DENND1A: variants seen among roughly 807,000 people sequenced by gnomAD.
DENND1A encodes DENN domain-containing protein 1A.
A neutral mutation model predicts 113.7 loss-of-function variants in DENND1A; 51 were observed. That is an observed-to-expected ratio of 0.45 (90% CI 0.36 to 0.57). The LOEUF (loss-of-function observed/expected upper bound fraction) is 0.57, where lower values mean the gene tolerates loss of function less well. Among genes scored for constraint, DENND1A ranks in the 20% least tolerant of loss-of-function variants. The pLI is 0.00. For synonymous variants in DENND1A, 565 were observed against 570.8 expected, an observed-to-expected ratio of 0.99 and a Z score of 0.14; for missense variants, 1,258 against 1,395.9, an observed-to-expected ratio of 0.90 and a Z score of 1.57.
intron 12 of DENND1A, among the ~76,000 whole-genome samples, chr9:123,560,139 G>A (rs2057657722): frequency 6.6e-6 from 1 of 152,176 alleles, no homozygotes; most frequent in African/African-American, 2.4e-5. Flanking sequence ...TATGAATAAT[G>A]CTGCTACGAA....
chr9:123,403,582 A>C, intron 20 of DENND1A, 92 bp from the exon 21 acceptor site: 1 of 1,199,872 alleles, frequency 8.3e-7, no homozygotes, highest in African/African-American at 1.5e-5. Context: ...CGGCCCCCCC[A>C]AAAAACGTTT....
chr9:123,710,456 C>A (rs1177703876), intron 5 of DENND1A, among the ~76,000 whole-genome samples: 2 of 152,066 alleles, frequency 1.3e-5, no homozygotes, highest in African/African-American at 2.4e-5. Flanking sequence ...TCTAGAGAAT[C>A]CTTTCTAGTC....
intron 2 of DENND1A, among the ~76,000 whole-genome samples, chr9:123,793,834 T>A (rs1218715175): frequency 1.3e-5 from 2 of 152,172 alleles, no homozygotes; most frequent in East Asian, 3.8e-4. Context: ...AAAGCAGGAA[T>A]ATTCAAAAGG....
chr9:123,723,478 C>T (rs939884069), intron 5 of DENND1A, among the ~76,000 whole-genome samples: 1 of 152,078 alleles, frequency 6.6e-6, no homozygotes, highest in African/African-American at 2.4e-5. Context: ...TGGCTGCATT[C>T]CCACCCAAAT....
At chr9:123,677,916 C>T (rs2064193682) in intron 5 of DENND1A, among the ~76,000 whole-genome samples, 1 of 152,106 alleles carries the variant, frequency 6.6e-6, no homozygotes, top group African/African-American at 2.4e-5. Flanking sequence ...GATATGCTCC[C>T]CTCACTCCTC....
In DENND1A at chr9:123,769,549, A is replaced by C; in HGVS notation, c.147T>G (p.Thr49=). 1 of 1,609,888 alleles carries C rather than the reference A, an allele frequency of 6.2e-7. No homozygotes were observed. The highest frequency in any genetic ancestry group is 8.5e-7 in the Non-Finnish European group (1 of 1,178,582). Residue 49 remains threonine (T), a synonymous_variant, in exon 4 of 24, where the codon ACT becomes ACG. Coordinates refer to ENST00000394215, the MANE Select transcript of DENND1A (RefSeq NM_001352964.2). ...AGAAGGGGAAACAAAACTTGGTCAA[A>C]GTCTGTAGAACTTCCTGTGGAGAGA... ...EDYSDQEVLQ[T]LTKFCFPFYV...
chr9:123,736,753 G>C (rs144157500), intron 5 of DENND1A, among the ~76,000 whole-genome samples: 11 of 152,278 alleles, frequency 7.2e-5, no homozygotes, highest in African/African-American at 2.6e-4. Flanking sequence ...ATTTTGATTT[G>C]AATTTTTTTG....
intron 8 of DENND1A, among the ~76,000 whole-genome samples, chr9:123,662,918 C>T (rs1274108420): frequency 2.0e-5 from 3 of 151,970 alleles, no homozygotes; most frequent in Non-Finnish European, 2.9e-5. Context: ...GACCAAAACT[C>T]TCATCTTCTA....
chr9:123,449,724 T>G (rs1386739424), intron 18 of DENND1A, among the ~76,000 whole-genome samples: 3 of 152,166 alleles, frequency 2.0e-5, no homozygotes, highest in African/African-American at 7.2e-5. Flanking sequence ...ACTCTTATTC[T>G]AAGTGAAATA....
intron 16 of DENND1A, among the ~76,000 whole-genome samples, chr9:123,452,983 G>A (rs138404442): frequency 2.7e-4 from 41 of 152,278 alleles, no homozygotes; most frequent in African/African-American, 8.9e-4. Flanking sequence ...GCAATTTCTC[G>A]CTCACTTTCT....
intron 18 of DENND1A, among the ~76,000 whole-genome samples, chr9:123,443,166 C>G (rs905992400): frequency 8.5e-5 from 13 of 152,190 alleles, no homozygotes; most frequent in African/African-American, 3.1e-4. Flanking sequence ...TAACCCAGAG[C>G]TATGGGAGTC....
At chr9:123,630,499 T>C (rs768763812) in intron 9 of DENND1A, 23 bp from the exon 10 acceptor site, 9 of 1,496,986 alleles carry the variant, frequency 6.0e-6, no homozygotes, top group African/African-American at 2.8e-5. Flanking sequence ...AAAGCAGAGA[T>C]CAATGAACAA....
chr9:123,591,703 A>C (rs2059463125), intron 11 of DENND1A, among the ~76,000 whole-genome samples: 1 of 151,146 alleles, frequency 6.6e-6, no homozygotes, highest in Admixed American at 6.6e-5. Context: ...GGGAATGAGA[A>C]ACGACTGTGG....
intron 2 of DENND1A, among the ~76,000 whole-genome samples, chr9:123,800,396 A>G (rs73666288): frequency 0.077 from 11,777 of 152,260 alleles, 916 homozygotes; most frequent in African/African-American, 0.2. Flanking sequence ...TATTTCATCA[A>G]AATGACTCTT....
rs865901442 is a variant in DENND1A, at chr9:123,715,186, A to T, written c.303-38397T>A. Reference sequence around the variant, plus strand: ...GTGACAGAGACTCTGTCTCCAAAAAAAATAATAATAATAATAAAAAATAAA... The same window carrying T: ...GTGACAGAGACTCTGTCTCCAAAAATAATAATAATAATAATAAAAAATAAA... On this transcript the variant is annotated intron_variant, in intron 5 of 23. Transcript: ENST00000394215. Among the ~76,000 whole-genome samples the T allele has an allele frequency of 8.4e-4, 127 of 152,032 alleles. 2 individuals carry two copies. The highest frequency in any genetic ancestry group is 7.7e-4 in the East Asian group (4 of 5,182).
chr9:123,482,120 C>A (rs1000754598), intron 13 of DENND1A, among the ~76,000 whole-genome samples: 1 of 151,798 alleles, frequency 6.6e-6, no homozygotes, highest in Non-Finnish European at 1.5e-5. Flanking sequence ...CTTTTTCAGA[C>A]AGAGTCTCGC....
intron 2 of DENND1A, among the ~76,000 whole-genome samples, chr9:123,878,157 C>G (rs1438924810): frequency 6.7e-6 from 1 of 149,020 alleles, no homozygotes; most frequent in Non-Finnish European, 1.5e-5. Context: ...GAGCCAAGAT[C>G]ACGCCATTGC....
At chr9:123,921,731 A>G (rs528280613) in intron 1 of DENND1A, among the ~76,000 whole-genome samples, 7 of 152,328 alleles carry the variant, frequency 4.6e-5, no homozygotes, top group South Asian at 4.1e-4. Flanking sequence ...CCTTATCCCA[A>G]TTATAACTTT....
At chr9:123,605,148 A>C (rs2137537202) in intron 11 of DENND1A, among the ~76,000 whole-genome samples, 1 of 152,260 alleles carries the variant, frequency 6.6e-6, no homozygotes, top group African/African-American at 2.4e-5. Context: ...CTTCATTTAC[A>C]AGCCACCGGA....
Sources: gnomAD v4.1 joint callset for allele counts (sites outside exome capture counted in the v4.1 genomes callset) on GRCh38, gnomAD v4.1.1 for gene constraint, MANE v1.5 for transcripts, NCBI Gene and HGNC (gene_info 2026-07-23, HGNC 2026-07-21) for gene names.